The following CEP104 variants were observed in gnomAD, a reference collection of about 807,000 sequenced individuals.
The protein encoded by CEP104 is centrosomal protein of 104 kDa.
CEP104 carries 84 observed loss-of-function variants against 113.3 expected under a neutral mutation model. That is an observed-to-expected ratio of 0.74 (90% CI 0.62 to 0.89). The LOEUF is 0.89. CEP104 is among the 40% of genes least tolerant of loss of function. The pLI is 0.00. For missense variants in CEP104, 1,053 were observed against 1,156.6 expected, an observed-to-expected ratio of 0.91 and a Z score of 1.30; for synonymous variants, 378 against 421.7, an observed-to-expected ratio of 0.90 and a Z score of 1.27.
chr1:3,852,334 ATGAGCTCCCG>A lies in CEP104; in HGVS notation c.64_73del (p.Arg22Ter). 6.2e-7 allele frequency: 1 copy of A among 1,614,108 alleles called. No individual in the cohort carries two copies. The highest frequency in any genetic ancestry group is 1.3e-5 in the African/African-American group (1 of 75,040). Reference sequence around the variant, plus strand: ...CCCACTGACAGTTGGCGCGTGGATCATGAGCTCCCGGGCACTGAAGCCGTCTTCGTGTCCA... The same window carrying A: ...CCCACTGACAGTTGGCGCGTGGATCAGGCACTGAAGCCGTCTTCGTGTCCA... On this transcript the variant is annotated frameshift_variant, in exon 2 of 22. Transcript: ENST00000378230. LOFTEE classifies it high-confidence loss of function.
chr1:3,828,123 C>T (rs988664021), intron 15 of CEP104, among the ~76,000 whole-genome samples: 7 of 152,078 alleles, frequency 4.6e-5, no homozygotes, highest in African/African-American at 7.2e-5. Flanking sequence ...GAGCCACTGC[C>T]ACCAGGTCCT....
At chr1:3,837,582 A>G in intron 8 of CEP104, 63 bp from the exon 9 acceptor site, 1 of 1,329,344 alleles carries the variant, frequency 7.5e-7, no homozygotes, top group Non-Finnish European at 1.1e-6. Context: ...TATCTATCTC[A>G]TTCCTTCAGA....
intron 20 of CEP104, among the ~76,000 whole-genome samples, chr1:3,820,368 CT>C (rs1643947013): frequency 6.6e-6 from 1 of 152,212 alleles, no homozygotes; most frequent in Non-Finnish European, 1.5e-5. Flanking sequence ...CTCCCACATT[CT>C]GGAGATAACC....
chr1:3,843,259 C>A lies in CEP104; in HGVS notation c.566+1648G>T, dbSNP rs556704243. ...GAGGTGCCCAGGACAGAGAGGGTGACCGAGGATGGCACAGCGGGGCCCTTT... is the reference window on the plus strand; with the variant it reads ...GAGGTGCCCAGGACAGAGAGGGTGAACGAGGATGGCACAGCGGGGCCCTTT... On this transcript the variant is annotated intron_variant, in intron 6 of 21. Transcript: ENST00000378230. The A allele has an allele frequency of 1.2e-4, 84 of 710,794 alleles. No homozygotes were observed. In the African/African-American group the frequency reaches 1.5e-3, roughly 13 times the overall value. 44.0% of individuals were successfully genotyped at this position (710,794 alleles called of 1,614,324 possible).
chr1:3,815,619 C>A, intron 21 of CEP104, 102 bp from the exon 22 acceptor site: 1 of 750,068 alleles, frequency 1.3e-6, no homozygotes, highest in South Asian at 1.9e-5. Flanking sequence ...GTCCCAGGCC[C>A]ATGCTGATGG....
rs1232611253 is a variant in CEP104, at chr1:3,812,188, A to G, written c.*3214T>C. 2.0e-5 allele frequency: 3 copies of G among 152,220 alleles called. No homozygotes were observed. Among genetic ancestry groups the G allele is most frequent in the Non-Finnish European group, 4.4e-5 (3 of 68,036 alleles). 9.4% of individuals were successfully genotyped at this position (152,220 alleles called of 1,614,324 possible). ...TACTTAGATATTTTGTAATTCTGGTACTTGAAATAAAGACAAATAGAAAAC... is the reference window on the plus strand; with the variant it reads ...TACTTAGATATTTTGTAATTCTGGTGCTTGAAATAAAGACAAATAGAAAAC... On this transcript the variant is annotated 3_prime_UTR_variant, in exon 22 of 22. Transcript: ENST00000378230.
intron 2 of CEP104, among the ~76,000 whole-genome samples, chr1:3,849,107 G>C (rs61768932): frequency 0.2 from 31,092 of 151,886 alleles, 3,540 homozygotes; most frequent in Non-Finnish European, 0.25. Context: ...GGCACTAGTG[G>C]GCAGGACGGA....
chr1:3,853,795 C>T (rs1644660417), intron 1 of CEP104, among the ~76,000 whole-genome samples: 1 of 125,444 alleles, frequency 8.0e-6, no homozygotes, highest in Non-Finnish European at 1.6e-5. Context: ...TTTTAAAAAG[C>T]CCCCCAGAAC....
intron 20 of CEP104, among the ~76,000 whole-genome samples, chr1:3,820,491 C>CAGCGCCTCTGTCTGGGGTGGAGGAA: frequency 6.6e-6 from 1 of 151,910 alleles, no homozygotes; most frequent in Non-Finnish European, 1.5e-5. Context: ...CGGGGCAGGA[C>CAGCGCCTCTGTCTGGGGTGGAGGAA]GGCGCCTCTG....
Position 3,821,756 on chromosome 1 carries a change from C to T in CEP104, c.2571+1418G>A, listed in dbSNP as rs59093589. ...TACAGGGACAGAGAAACAGGTTAAG[C>T]GCCCCCAAGGGAACGTAGTCAGCAG... On this transcript the variant is annotated intron_variant, in intron 20 of 21. Coordinates refer to ENST00000378230, the MANE Select transcript of CEP104 (RefSeq NM_014704.4). 9.1e-3 allele frequency among the ~76,000 whole-genome samples: 1,389 copies of T among 152,350 alleles called. 44 individuals carry two copies. The East Asian group carries it at 0.1, about 11-fold the overall frequency.
chr1:3,831,832 G>A (rs1375952583), intron 12 of CEP104, among the ~76,000 whole-genome samples: 1 of 152,200 alleles, frequency 6.6e-6, no homozygotes. Context: ...TAGGTCTGCA[G>A]GTCTTATCAC....
chr1:3,830,074 A>G (rs1644172789), intron 13 of CEP104, 77 bp from the exon 14 acceptor site: 3 of 1,042,096 alleles, frequency 2.9e-6, no homozygotes, highest in Non-Finnish European at 2.9e-6. Flanking sequence ...AAGGTACATT[A>G]TAAACATGTG....
chr1:3,855,754 A>G (rs759386216), intron 1 of CEP104: 15 of 285,290 alleles, frequency 5.3e-5, no homozygotes, highest in Non-Finnish European at 6.3e-5. Context: ...CAAGTGTTAC[A>G]TAAGATACTT....
At position 3,812,104 on chromosome 1, in the gene CEP104, A is replaced by G. The variant is rs1643807304; in HGVS notation, c.*3298T>C. 1 of 152,214 alleles carries G rather than the reference A, an allele frequency of 6.6e-6. No homozygotes were observed. The highest frequency in any genetic ancestry group is 1.5e-5 in the Non-Finnish European group (1 of 68,034). The allele number at this position is 152,214 out of a possible 1,614,324, so 9.4% of individuals were successfully genotyped here. A position where few individuals can be genotyped will look rare whatever the true frequency, so the allele number is the denominator to read the frequency against. On this transcript the variant is annotated 3_prime_UTR_variant, in exon 22 of 22. Transcript: ENST00000378230. ...CAAAACATTTAGTGATCTTTTTATT[A>G]TATTAATATACTCTGGGTGAATTAA...
At chr1:3,850,420 C>A (rs1026670373) in intron 2 of CEP104, among the ~76,000 whole-genome samples, 1 of 152,294 alleles carries the variant, frequency 6.6e-6, no homozygotes, top group East Asian at 1.9e-4. Flanking sequence ...CCAGGGGCTA[C>A]GGTTGGTGCA....
chr1:3,846,965 C>T (rs554134160), intron 4 of CEP104, among the ~76,000 whole-genome samples: 116 of 152,298 alleles, frequency 7.6e-4, no homozygotes, highest in Non-Finnish European at 1.5e-3. Context: ...TTACATGCAA[C>T]ATTCATGTGT....
intron 6 of CEP104, among the ~76,000 whole-genome samples, chr1:3,842,315 C>T (rs1004974422): frequency 6.6e-6 from 1 of 152,198 alleles, no homozygotes; most frequent in Admixed American, 6.5e-5. Flanking sequence ...CTCCTGACCT[C>T]GTGATCCGCC....
In CEP104 at chr1:3,823,653, C is replaced by G; in HGVS notation, c.2365-91G>C. Reference sequence around the variant, plus strand: ...CAGAGCCTGTGAGCGCCTCCCCTGCCCAGGGAGGTCTGTGCCGCCTGCACA... The same window carrying G: ...CAGAGCCTGTGAGCGCCTCCCCTGCGCAGGGAGGTCTGTGCCGCCTGCACA... On this transcript the variant is annotated intron_variant, in intron 18 of 21. Coordinates refer to ENST00000378230, the MANE Select transcript of CEP104 (RefSeq NM_014704.4). This position sits in a 1 kb window ranked among gnomAD's most constrained non-coding sequence, Gnocchi z 4.1. 6 of 1,522,734 alleles carry G rather than the reference C, an allele frequency of 3.9e-6. No individual in the cohort carries two copies. Among genetic ancestry groups the G allele is most frequent in the Non-Finnish European group, 5.4e-6 (6 of 1,109,050 alleles). 94.3% of individuals were successfully genotyped at this position (1,522,734 alleles called of 1,614,324 possible). A position where few individuals can be genotyped will look rare whatever the true frequency, so the allele number is the denominator to read the frequency against.
chr1:3,813,030 T>C lies in CEP104; in HGVS notation c.*2372A>G, dbSNP rs572707191. On this transcript the variant is annotated 3_prime_UTR_variant, in exon 22 of 22. Transcript: ENST00000378230. ...GCATGTGTATATGTGTGTATATATA[T>C]ATATATATTTCTTAAAAGTGTTGAT... 6.5e-4 allele frequency: 99 copies of C among 152,222 alleles called. 2 individuals carry two copies. The highest frequency in any genetic ancestry group is 2.3e-3 in the African/African-American group (97 of 41,550). The allele number at this position is 152,222 out of a possible 1,614,324, so 9.4% of individuals were successfully genotyped here. A position where few individuals can be genotyped will look rare whatever the true frequency, so the allele number is the denominator to read the frequency against.
Sources: gnomAD v4.1 joint callset for allele counts (sites outside exome capture counted in the v4.1 genomes callset) on GRCh38, gnomAD v4.1.1 for gene constraint, Gnocchi (gnomAD v3.1) non-coding constraint, MANE v1.5 for transcripts, NCBI Gene and HGNC (gene_info 2026-07-23, HGNC 2026-07-21) for gene names.